ARHGAP15: variants seen among roughly 807,000 people sequenced by gnomAD.
The protein encoded by ARHGAP15 is rho GTPase-activating protein 15.
In ARHGAP15, 51 loss-of-function variants were observed where a neutral mutation model predicts 63.7. The ratio of observed to expected loss-of-function variants is 0.80; its 90% CI spans 0.64 to 1.01. The LOEUF is 1.01. Ranked by LOEUF, ARHGAP15 falls within the 50% of genes least tolerant of loss-of-function variation. ARHGAP15 has a pLI of 0.00. For synonymous variants in ARHGAP15, 191 were observed against 193.8 expected, an observed-to-expected ratio of 0.99 and a Z score of 0.12; for missense variants, 560 against 564.6, an observed-to-expected ratio of 0.99 and a Z score of 0.08.
intron 6 of ARHGAP15, among the ~76,000 whole-genome samples, chr2:143,348,475 G>A (rs1685402447): frequency 6.6e-6 from 1 of 152,030 alleles, no homozygotes; most frequent in Admixed American, 6.6e-5. Context: ...AAAAAAAACT[G>A]TTATTTTCAA....
chr2:143,408,455 T>A (rs1688307419), intron 6 of ARHGAP15, among the ~76,000 whole-genome samples: 1 of 151,790 alleles, frequency 6.6e-6, no homozygotes, highest in South Asian at 2.1e-4. Context: ...TACTACTATC[T>A]TTGAGAACAT....
intron 6 of ARHGAP15, among the ~76,000 whole-genome samples, chr2:143,333,097 G>A (rs1343184954): frequency 2.0e-5 from 3 of 151,768 alleles, no homozygotes; most frequent in East Asian, 1.9e-4. Flanking sequence ...ATTAAATAAC[G>A]AGCAGTTTAA....
At chr2:143,526,041 G>A (rs1694258611) in intron 10 of ARHGAP15, among the ~76,000 whole-genome samples, 1 of 152,098 alleles carries the variant, frequency 6.6e-6, no homozygotes, top group Non-Finnish European at 1.5e-5. Flanking sequence ...TTATGCTCAA[G>A]AAAATGCTTG....
At chr2:143,737,726 T>TTTTATTTA (rs142591625) in intron 13 of ARHGAP15, among the ~76,000 whole-genome samples, 132 of 146,800 alleles carry the variant, frequency 9.0e-4, no homozygotes, top group East Asian at 2.0e-3. Context: ...AACCTATTTA[T>TTTTATTTA]TTTATTTATT....
chr2:143,539,372 T>G (rs1647588523), intron 10 of ARHGAP15, among the ~76,000 whole-genome samples: 1 of 152,056 alleles, frequency 6.6e-6, no homozygotes, highest in South Asian at 2.1e-4. Flanking sequence ...TTTGTGTCTC[T>G]ATTTCCTTCA....
chr2:143,447,211 A>G (rs1019040278), intron 8 of ARHGAP15, among the ~76,000 whole-genome samples: 1 of 152,222 alleles, frequency 6.6e-6, no homozygotes, highest in African/African-American at 2.4e-5. Flanking sequence ...AAATAGTAAA[A>G]TAATACAAGG....
intron 11 of ARHGAP15, among the ~76,000 whole-genome samples, chr2:143,621,580 G>A (rs1309116811): frequency 6.6e-6 from 1 of 152,088 alleles, no homozygotes; most frequent in Non-Finnish European, 1.5e-5. Context: ...CCAACTATTT[G>A]CCATATTGCC....
intron 6 of ARHGAP15, among the ~76,000 whole-genome samples, chr2:143,410,758 G>A (rs1213720882): frequency 6.6e-6 from 1 of 150,960 alleles, no homozygotes; most frequent in African/African-American, 2.4e-5. Flanking sequence ...AAATAGGGTG[G>A]CCAGAGAAGG....
At chr2:143,581,772 G>A (rs1050869977) in intron 11 of ARHGAP15, among the ~76,000 whole-genome samples, 6 of 152,060 alleles carry the variant, frequency 3.9e-5, no homozygotes, top group Admixed American at 1.3e-4. Context: ...GCTATTCTCC[G>A]GCATCTCCCC....
At chr2:143,463,537 T>A in intron 8 of ARHGAP15, among the ~76,000 whole-genome samples, 1 of 95,558 alleles carries the variant, frequency 1.0e-5, no homozygotes, top group African/African-American at 4.2e-5. Flanking sequence ...CGAAACTCCA[T>A]CTTGGGGGGT....
intron 12 of ARHGAP15, among the ~76,000 whole-genome samples, chr2:143,663,874 TA>T (rs1681986105): frequency 6.6e-6 from 1 of 152,126 alleles, no homozygotes; most frequent in African/African-American, 2.4e-5. Context: ...AACCTAAATA[TA>T]TATGCACCCA....
chr2:143,229,677 A>C (rs1482196361), intron 5 of ARHGAP15, among the ~76,000 whole-genome samples: 2 of 152,294 alleles, frequency 1.3e-5, no homozygotes, highest in African/African-American at 4.8e-5. Context: ...ACAATGAACT[A>C]ATTTGTATTT....
intron 6 of ARHGAP15, among the ~76,000 whole-genome samples, chr2:143,378,851 C>T (rs1686926662): frequency 6.6e-6 from 1 of 151,800 alleles, no homozygotes; most frequent in African/African-American, 2.4e-5. Flanking sequence ...TGACTGTACA[C>T]AAAAAGTGCA....
intron 11 of ARHGAP15, among the ~76,000 whole-genome samples, chr2:143,560,634 C>T (rs1192283583): frequency 6.6e-6 from 1 of 152,226 alleles, no homozygotes; most frequent in Non-Finnish European, 1.5e-5. Flanking sequence ...TTCCTTTACA[C>T]CCCGCCTCTT....
At chr2:143,428,839 T>C (rs1323483277) in intron 6 of ARHGAP15, among the ~76,000 whole-genome samples, 1 of 152,224 alleles carries the variant, frequency 6.6e-6, no homozygotes, top group East Asian at 1.9e-4. Context: ...CCAAGTGTCA[T>C]GTGACTGTGA....
chr2:143,411,321 T>C (rs1325887952), intron 6 of ARHGAP15, among the ~76,000 whole-genome samples: 1 of 152,224 alleles, frequency 6.6e-6, no homozygotes, highest in African/African-American at 2.4e-5. Flanking sequence ...CCTTTAGTTC[T>C]GTATTTAATA....
intron 8 of ARHGAP15, among the ~76,000 whole-genome samples, chr2:143,462,425 A>AT (rs1203539839): frequency 6.6e-6 from 1 of 152,200 alleles, no homozygotes; most frequent in East Asian, 1.9e-4. Context: ...CTGCAATGCC[A>AT]TGATAGCAAA....
At chr2:143,362,945 T>C (rs1341585780) in intron 6 of ARHGAP15, among the ~76,000 whole-genome samples, 1 of 152,218 alleles carries the variant, frequency 6.6e-6, no homozygotes, top group Non-Finnish European at 1.5e-5. Context: ...ACTTATGTTC[T>C]AACTCTCCTA....
At chr2:143,381,684 A>G (rs1687059408) in intron 6 of ARHGAP15, among the ~76,000 whole-genome samples, 2 of 152,106 alleles carry the variant, frequency 1.3e-5, no homozygotes, top group Non-Finnish European at 2.9e-5. Flanking sequence ...CCCTCTCACT[A>G]TAGACTATGA....
Sources: gnomAD v4.1 joint callset for allele counts (sites outside exome capture counted in the v4.1 genomes callset) on GRCh38, gnomAD v4.1.1 for gene constraint, MANE v1.5 for transcripts, NCBI Gene and HGNC (gene_info 2026-07-23, HGNC 2026-07-21) for gene names.